SOX6: variants seen among roughly 807,000 people sequenced by gnomAD.
SOX6 encodes the protein transcription factor SOX-6.
A neutral mutation model predicts 97.8 loss-of-function variants in SOX6; 11 were observed. The observed-to-expected ratio is 0.11, with a 90% CI of 0.07 to 0.19. The LOEUF is 0.19. SOX6 is among the 10% of genes least tolerant of loss of function. The pLI, the probability that SOX6 is intolerant of heterozygous loss-of-function variation, is 1.00. For missense variants in SOX6, 810 were observed against 1,039.5 expected, an observed-to-expected ratio of 0.78 and a Z score of 3.04; for synonymous variants, 360 against 371.4, an observed-to-expected ratio of 0.97 and a Z score of 0.35.
chr11:16,242,669 A>T (rs1349889291), intron 3 of SOX6, among the ~76,000 whole-genome samples: 1 of 151,666 alleles, frequency 6.6e-6, no homozygotes, highest in African/African-American at 2.4e-5. Flanking sequence ...TTCCTCTGAG[A>T]TCAGCAGTCC....
At chr11:16,402,663 T>C in intron 1 of SOX6, 1 of 1,610,762 alleles carries the variant, frequency 6.2e-7, no homozygotes, top group Non-Finnish European at 8.5e-7. Flanking sequence ...TCTTACCCCA[T>C]TTTTCTTCTT....
intron 3 of SOX6, among the ~76,000 whole-genome samples, chr11:16,649,934 A>G (rs948411558): frequency 6.6e-6 from 1 of 152,146 alleles, no homozygotes; most frequent in Non-Finnish European, 1.5e-5. Context: ...GTAAAGGGGT[A>G]AAAAAGGATA....
In SOX6 at chr11:16,575,853, A is replaced by G. The variant is rs1032125988; in HGVS notation, n.609+36228T>C. ...CAGTGATTTCATTTTTTTTACCTCAATGTTGGTTGGTTACATAGGATTCAC... is the reference window on the plus strand; with the variant it reads ...CAGTGATTTCATTTTTTTTACCTCAGTGTTGGTTGGTTACATAGGATTCAC... On this transcript the variant is annotated intron_variant and non_coding_transcript_variant, in intron 4 of 5. Coordinates refer to the SOX6 transcript ENST00000524520. Among the ~76,000 whole-genome samples, 3 of 152,198 alleles carry G rather than the reference A, an allele frequency of 2.0e-5. No homozygotes were observed. The South Asian group carries it at 6.2e-4, about 32-fold the overall frequency.
At chr11:16,500,495 C>G (rs1008092312) in intron 4 of SOX6, among the ~76,000 whole-genome samples, 8 of 152,114 alleles carry the variant, frequency 5.3e-5, no homozygotes, top group South Asian at 2.1e-4. Flanking sequence ...AAAGGGTATT[C>G]AATTAGGAAA....
At chr11:16,234,478 C>T (rs1852955848) in intron 4 of SOX6, 104 bp downstream of exon 4, 2 of 689,504 alleles carry the variant, frequency 2.9e-6, no homozygotes, top group East Asian at 5.9e-5. Flanking sequence ...TCAAATGTTA[C>T]ATGTAAGATT....
At position 16,300,459 on chromosome 11, in the gene SOX6, A is replaced by G. The variant is rs955756832; in HGVS notation, c.445+17987T>C. Among the ~76,000 whole-genome samples, 1 of 152,196 alleles carries G rather than the reference A, an allele frequency of 6.6e-6. No individual in the cohort carries two copies. Among genetic ancestry groups the G allele is most frequent in the Non-Finnish European group, 1.5e-5 (1 of 68,024 alleles). ...CTGGAGAGCTCTCAATAAATAATAC[A>G]TTGACAATTTTCAGTAAATAAGCAG... is the stretch of plus-strand genomic sequence containing the variant. On this transcript the variant is annotated intron_variant, in intron 3 of 15. Coordinates refer to ENST00000683767, the MANE Select transcript of SOX6 (RefSeq NM_001367873.1). The surrounding 1 kb of genome is among the most constrained non-coding windows in gnomAD (Gnocchi z 4.1).
chr11:16,598,795 A>G (rs979253839), intron 4 of SOX6, among the ~76,000 whole-genome samples: 2 of 152,136 alleles, frequency 1.3e-5, no homozygotes, highest in Non-Finnish European at 2.9e-5. Context: ...GTGAAGTCAA[A>G]ATCACAAACA....
intron 6 of SOX6, among the ~76,000 whole-genome samples, chr11:16,161,832 T>G (rs1044258046): frequency 6.6e-6 from 1 of 152,212 alleles, no homozygotes; most frequent in African/African-American, 2.4e-5. Flanking sequence ...TTCTCTGCCA[T>G]TCACTGTTCC....
At chr11:16,576,611 C>T (rs1322376131) in intron 4 of SOX6, among the ~76,000 whole-genome samples, 1 of 151,886 alleles carries the variant, frequency 6.6e-6, no homozygotes, top group African/African-American at 2.4e-5. Context: ...CTTTTTTTAA[C>T]ATGCCTTCTG....
intron 9 of SOX6, among the ~76,000 whole-genome samples, chr11:16,095,222 T>A (rs1347078805): frequency 6.6e-6 from 1 of 151,890 alleles, no homozygotes; most frequent in Non-Finnish European, 1.5e-5. Context: ...CTGGAAATTC[T>A]CCAATATGAG....
chr11:16,301,306 G>A (rs550651403), intron 3 of SOX6, among the ~76,000 whole-genome samples: 8 of 152,236 alleles, frequency 5.3e-5, no homozygotes, highest in African/African-American at 1.4e-4. Flanking sequence ...CGATCACGAA[G>A]ATGGCTAAAA....
At chr11:15,985,703 A>G (rs1287226528) in intron 15 of SOX6, among the ~76,000 whole-genome samples, 1 of 152,216 alleles carries the variant, frequency 6.6e-6, no homozygotes, top group Non-Finnish European at 1.5e-5. Context: ...CTCCCACCAC[A>G]GAATAATTTA....
At chr11:16,384,646 T>C (rs933525612) in intron 1 of SOX6, among the ~76,000 whole-genome samples, 1 of 151,846 alleles carries the variant, frequency 6.6e-6, no homozygotes, top group Non-Finnish European at 1.5e-5. Context: ...ACTGATAAAA[T>C]TGAGAAATTT....
chr11:16,072,326 C>A (rs1848245196), intron 9 of SOX6, among the ~76,000 whole-genome samples: 1 of 152,182 alleles, frequency 6.6e-6, no homozygotes, highest in Admixed American at 6.5e-5. Flanking sequence ...CAGAATCTAC[C>A]AAGTTGAGGA....
At chr11:16,404,415 A>G (rs1858638977) in intron 1 of SOX6, among the ~76,000 whole-genome samples, 1 of 152,020 alleles carries the variant, frequency 6.6e-6, no homozygotes, top group South Asian at 2.1e-4. Context: ...CTGTGTATCA[A>G]TGTAACAATA....
intron 1 of SOX6, among the ~76,000 whole-genome samples, chr11:16,406,690 C>T (rs186984611): frequency 6.6e-6 from 1 of 152,118 alleles, no homozygotes; most frequent in East Asian, 1.9e-4. Flanking sequence ...ATTGGAAGGG[C>T]ACTGAAAAGT....
At chr11:16,652,656 A>G (rs1847669968) in intron 3 of SOX6, among the ~76,000 whole-genome samples, 1 of 152,190 alleles carries the variant, frequency 6.6e-6, no homozygotes, top group Non-Finnish European at 1.5e-5. Flanking sequence ...AAACCCTAAA[A>G]ATTCTAGAAG....
chr11:16,453,187 A>AT, intron 1 of SOX6, among the ~76,000 whole-genome samples: 1 of 151,888 alleles, frequency 6.6e-6, no homozygotes, highest in South Asian at 2.1e-4. Context: ...GTTCTTGGCT[A>AT]TTTTTGCCTT....
rs571044262 is a variant in SOX6, at chr11:16,393,192, T to G, written c.-4-51940A>C. On this transcript the variant is annotated intron_variant, in intron 1 of 15. Coordinates refer to the SOX6 transcript ENST00000396356. The stretch of plus-strand genomic sequence containing the variant: ...CCATCTCAGGACACCTACTGAATTC[T>G]CCTAAGATTTCTGTTTTTCAGAATA... Among the ~76,000 whole-genome samples, 12 of 152,170 alleles carry G rather than the reference T, an allele frequency of 7.9e-5. No homozygotes were observed. In the South Asian group the frequency reaches 2.5e-3, roughly 32 times the overall value.
Sources: allele counts gnomAD v4.1 joint callset (sites outside exome capture counted in the v4.1 genomes callset), GRCh38; gene constraint gnomAD v4.1.1; non-coding constraint Gnocchi (gnomAD v3.1); transcripts MANE v1.5; gene names NCBI Gene and HGNC (gene_info 2026-07-23, HGNC 2026-07-21).